Variants in PDE11A observed in about 807,000 individuals in gnomAD.
The protein encoded by PDE11A is dual 3',5'-cyclic-AMP and -GMP phosphodiesterase 11A.
A neutral mutation model predicts 100.5 loss-of-function variants in PDE11A; 100 were observed. The observed-to-expected ratio is 1.00, with a 90% CI of 0.85 to 1.18. The LOEUF is 1.18. Among genes scored for constraint, PDE11A ranks in the 50% most tolerant of loss-of-function variants. The pLI is 0.00. For missense variants in PDE11A, 1,141 were observed against 1,152.6 expected (o/e 0.99, Z 0.15); for synonymous variants, 381 against 420.8 (o/e 0.91, Z 1.16).
rs2079883779 is a variant in PDE11A at position 177,629,448 on chromosome 2, AGGATG to A, written c.2756_2760del (p.Ser919PhefsTer28). 1 of 1,612,402 alleles carries A rather than the reference AGGATG, an allele frequency of 6.2e-7. No individual in the cohort carries two copies. Among genetic ancestry groups the A allele is most frequent in the South Asian group, 1.1e-5 (1 of 90,980 alleles). On this transcript the variant is annotated frameshift_variant, in exon 20 of 20. Coordinates refer to ENST00000286063, the MANE Select transcript of PDE11A (RefSeq NM_016953.4). LOFTEE classifies it low-confidence loss of function (END_TRUNC). ...TTGGCTACCATAACACTGGCAGGGGAGGATGAGGCAGTTGAGGCCAGCAGTCGTTT... is the reference window on the plus strand; with the variant it reads ...TTGGCTACCATAACACTGGCAGGGGAAGGCAGTTGAGGCCAGCAGTCGTTT...
At chr2:178,080,944 T>G (rs1050744457) in intron 2 of PDE11A, among the ~76,000 whole-genome samples, 21 of 152,108 alleles carry the variant, frequency 1.4e-4, no homozygotes, top group African/African-American at 5.1e-4. Flanking sequence ...ACTGTACAAG[T>G]TATTCATAAA....
intron 2 of PDE11A, among the ~76,000 whole-genome samples, chr2:178,080,109 T>G (rs1463044094): frequency 6.6e-6 from 1 of 152,166 alleles, no homozygotes; most frequent in Admixed American, 6.5e-5. Flanking sequence ...TTCACTCTGG[T>G]GATAGTTTCT....
chr2:177,817,732 G>A, intron 8 of PDE11A, 126 bp downstream of exon 8: 1 of 648,266 alleles, frequency 1.5e-6, no homozygotes, highest in South Asian at 1.7e-5. Context: ...AAATCTTCCT[G>A]TTAATTTTGC....
intron 9 of PDE11A, among the ~76,000 whole-genome samples, chr2:177,796,334 CA>C (rs1443566939): frequency 6.6e-6 from 1 of 152,070 alleles, no homozygotes; most frequent in African/African-American, 2.4e-5. Flanking sequence ...TGGGATCAGC[CA>C]AACTAAATTC....
At chr2:177,908,647 G>A (rs1574270044) in intron 2 of PDE11A, among the ~76,000 whole-genome samples, 2 of 152,250 alleles carry the variant, frequency 1.3e-5, no homozygotes, top group East Asian at 3.9e-4. Flanking sequence ...CACAGGTGAG[G>A]GTCCTGTGGT....
At chr2:178,015,180 C>G (rs1383045015) in intron 1 of PDE11A, among the ~76,000 whole-genome samples, 1 of 152,126 alleles carries the variant, frequency 6.6e-6, no homozygotes, top group Non-Finnish European at 1.5e-5. Flanking sequence ...GTGAATAAAT[C>G]TGGTGAACGC....
At chr2:177,887,804 G>C (rs1444094028) in intron 4 of PDE11A, among the ~76,000 whole-genome samples, 2 of 152,202 alleles carry the variant, frequency 1.3e-5, no homozygotes, top group African/African-American at 4.8e-5. Flanking sequence ...AGAGAAAAGA[G>C]AGGGATGTGA....
chr2:177,748,897 A>G (rs1264864198), intron 10 of PDE11A, among the ~76,000 whole-genome samples: 1 of 152,234 alleles, frequency 6.6e-6, no homozygotes, highest in Non-Finnish European at 1.5e-5. Context: ...AATATGATAT[A>G]AAACACCTGC....
intron 10 of PDE11A, among the ~76,000 whole-genome samples, chr2:177,752,735 C>A (rs758975135): frequency 1.7e-4 from 26 of 152,016 alleles, no homozygotes; most frequent in Non-Finnish European, 2.8e-4. Context: ...TGTTAGTCAC[C>A]GGAGATAATA....
chr2:177,793,928 C>T (rs1280285237), intron 9 of PDE11A, among the ~76,000 whole-genome samples: 2 of 152,098 alleles, frequency 1.3e-5, no homozygotes, highest in Non-Finnish European at 2.9e-5. Flanking sequence ...AAACACAATG[C>T]CTTTAAACAT....
chr2:178,059,753 C>A (rs1463636783), intron 1 of PDE11A, among the ~76,000 whole-genome samples: 1 of 152,196 alleles, frequency 6.6e-6, no homozygotes, highest in Non-Finnish European at 1.5e-5. Flanking sequence ...TTTCCCAAAG[C>A]CTAACTGGCT....
intron 9 of PDE11A, among the ~76,000 whole-genome samples, chr2:177,802,837 C>T (rs1041137715): frequency 3.3e-5 from 5 of 151,786 alleles, no homozygotes; most frequent in African/African-American, 9.7e-5. Flanking sequence ...ATTACCAAAA[C>T]AAAAAGATTA....
At chr2:178,077,260 C>CTTTTTTTT (rs57259393), upstream of PDE11A, among the ~76,000 whole-genome samples, 11 of 98,650 alleles carry the variant, frequency 1.1e-4, no homozygotes, top group African/African-American at 1.7e-4. Context: ...TTCTTTCTTT[C>CTTTTTTTT]TTTTTTTTTT....
intron 15 of PDE11A, among the ~76,000 whole-genome samples, chr2:177,690,447 G>A (rs112780710): frequency 6.6e-6 from 1 of 152,338 alleles, no homozygotes; most frequent in African/African-American, 2.4e-5. Flanking sequence ...TTTGTTGAAT[G>A]ATGAATGAAT....
rs1169450763 is a variant in PDE11A, at chr2:177,900,654, A to G, written c.1162-2456T>C. ...ATGCCTGTAGTCCCAGCTACTCAGG[A>G]GGCTGAGGCAGGAGAATCACTTGAA... On this transcript the variant is annotated intron_variant, in intron 3 of 19. Transcript: ENST00000286063. Among the ~76,000 whole-genome samples, 3 of 152,178 alleles carry G rather than the reference A, an allele frequency of 2.0e-5. 1 individual carries two copies. Among genetic ancestry groups the G allele is most frequent in the African/African-American group, 7.2e-5 (3 of 41,434 alleles).
In PDE11A at chr2:177,785,108, C is replaced by A. The variant is rs747772013; in HGVS notation, c.1738-15735G>T. ...GCTTTGTGTCAGACTGCTGAGCTCA[C>A]AATCCTGGCTCACTAGACCTGTAAC... is the stretch of plus-strand genomic sequence containing the variant. On this transcript the variant is annotated intron_variant, in intron 9 of 19. Coordinates refer to ENST00000286063, the MANE Select transcript of PDE11A (RefSeq NM_016953.4). 2.6e-4 allele frequency among the ~76,000 whole-genome samples: 40 copies of A among 152,198 alleles called. 1 individual carries two copies. Among genetic ancestry groups the A allele is most frequent in the Non-Finnish European group, 8.8e-5 (6 of 68,032 alleles).
At chr2:177,726,052 A>G (rs2081595298) in intron 12 of PDE11A, among the ~76,000 whole-genome samples, 1 of 152,102 alleles carries the variant, frequency 6.6e-6, no homozygotes, top group Non-Finnish European at 1.5e-5. Context: ...TACCTTGTTT[A>G]CTGAGGTAGG....
intron 2 of PDE11A, among the ~76,000 whole-genome samples, chr2:177,958,240 C>A (rs1042246033): frequency 6.6e-6 from 1 of 152,056 alleles, no homozygotes; most frequent in African/African-American, 2.4e-5. Context: ...TAAAGTATTG[C>A]AGCATGTTTT....
chr2:177,736,792 G>A lies in PDE11A; in HGVS notation c.1789-8620C>T, dbSNP rs2081790840. ...AACCTCTCATTATTTGCACTCAAGA[G>A]TTCACCAGCTCTTCCTCCCATGGAA... On this transcript the variant is annotated intron_variant, in intron 10 of 19. Transcript: ENST00000286063. Among the ~76,000 whole-genome samples, 3 of 152,166 alleles carry A rather than the reference G, an allele frequency of 2.0e-5. No individual in the cohort carries two copies. The South Asian group carries it at 6.2e-4, about 32-fold the overall frequency.
Sources: gnomAD v4.1 joint callset for allele counts (sites outside exome capture counted in the v4.1 genomes callset) on GRCh38, gnomAD v4.1.1 for gene constraint, MANE v1.5 for transcripts, NCBI Gene and HGNC (gene_info 2026-07-23, HGNC 2026-07-21) for gene names.